Variants in LRRC4C observed in about 807,000 individuals in gnomAD.
LRRC4C encodes leucine rich repeat containing 4C.
In LRRC4C, 5 loss-of-function variants were observed where a neutral mutation model predicts 33.6. That is an observed-to-expected ratio of 0.15 (90% CI 0.08 to 0.31). The LOEUF is 0.31. Among genes scored for constraint, LRRC4C ranks in the 10% least tolerant of loss-of-function variants. The probability of loss-of-function intolerance (pLI) is 1.00; values close to 1 mark genes in which losing one functional copy is unlikely to be tolerated. For missense variants in LRRC4C, 560 were observed against 796.7 expected (o/e 0.70, Z 3.58); for synonymous variants, 329 against 302.0 (o/e 1.09, Z -0.93).
intron 1 of LRRC4C, among the ~76,000 whole-genome samples, chr11:41,245,543 G>A (rs893615542): frequency 6.6e-6 from 1 of 152,204 alleles, no homozygotes; most frequent in African/African-American, 2.4e-5. Flanking sequence ...GGTGGCACCT[G>A]AAAGCTTGGA....
At chr11:40,451,759 T>C (rs970056391) in intron 3 of LRRC4C, among the ~76,000 whole-genome samples, 15 of 152,058 alleles carry the variant, frequency 9.9e-5, no homozygotes, top group African/African-American at 3.6e-4. Flanking sequence ...ATGGACAAAT[T>C]TGTAGAAACA....
rs1446074626 is a variant in LRRC4C at position 41,305,379 on chromosome 11, G to A, written c.-496+154052C>T. The stretch of plus-strand genomic sequence containing the variant: ...TGGGAAGTGAGTAGCCCCTCTGCCC[G>A]GCCACCACCCCGTCTGGGAGGTGTG... On this transcript the variant is annotated intron_variant, in intron 1 of 6. Coordinates refer to ENST00000528697, the MANE Select transcript of LRRC4C (RefSeq NM_001258419.2). Among the ~76,000 whole-genome samples the A allele has an allele frequency of 1.2e-4, 6 of 52,066 alleles. 3 individuals are homozygous for A. Among genetic ancestry groups the A allele is most frequent in the Non-Finnish European group, 2.2e-4 (4 of 18,274 alleles). 34.2% of individuals were successfully genotyped at this position (52,066 alleles called of 152,430 possible). A position where few individuals can be genotyped will look rare whatever the true frequency, so the allele number is the denominator to read the frequency against.
At chr11:40,738,553 C>A (rs1222750277) in intron 2 of LRRC4C, among the ~76,000 whole-genome samples, 1 of 151,998 alleles carries the variant, frequency 6.6e-6, no homozygotes, top group Non-Finnish European at 1.5e-5. Context: ...CAACTATATG[C>A]AAATAATATA....
rs577377915 is a variant in LRRC4C at position 40,738,494 on chromosome 11, C to T, written c.-406-90216G>A. Among the ~76,000 whole-genome samples the T allele has an allele frequency of 2.6e-5, 4 of 152,102 alleles. No homozygotes were observed. The South Asian group carries it at 8.3e-4, about 32-fold the overall frequency. On this transcript the variant is annotated intron_variant, in intron 2 of 6. Coordinates refer to ENST00000528697, the MANE Select transcript of LRRC4C (RefSeq NM_001258419.2). ...AGAGTATAGATCATTCACTTTATAG[C>T]CAAAGTTTAAATTGAAAAGGTTAAG...
At chr11:40,438,402 C>G (rs1313576181) in intron 3 of LRRC4C, among the ~76,000 whole-genome samples, 1 of 152,206 alleles carries the variant, frequency 6.6e-6, no homozygotes, top group Non-Finnish European at 1.5e-5. Context: ...ATTTTATCAC[C>G]TTGATTGGTC....
intron 3 of LRRC4C, among the ~76,000 whole-genome samples, chr11:40,549,359 G>A (rs570887530): frequency 2.5e-4 from 38 of 152,228 alleles, no homozygotes; most frequent in Non-Finnish European, 4.1e-4. Flanking sequence ...CGCAGACAGA[G>A]CGAACACTTA....
chr11:40,952,481 C>T (rs890930711), intron 1 of LRRC4C, among the ~76,000 whole-genome samples: 3 of 151,830 alleles, frequency 2.0e-5, no homozygotes, highest in Non-Finnish European at 2.9e-5. Context: ...AGCTTTCAAC[C>T]TTTTAATCTT....
chr11:40,561,736 T>C (rs553835680), intron 3 of LRRC4C, among the ~76,000 whole-genome samples: 1 of 152,116 alleles, frequency 6.6e-6, no homozygotes, highest in Non-Finnish European at 1.5e-5. Flanking sequence ...TAAAGTAGAC[T>C]CCTAAAGAAG....
intron 5 of LRRC4C, among the ~76,000 whole-genome samples, chr11:40,181,305 TAAAG>T (rs1167588373): frequency 1.3e-5 from 2 of 152,156 alleles, no homozygotes; most frequent in Admixed American, 6.5e-5. Context: ...TGGGAACAAA[TAAAG>T]AAAGGGAAGA....
At chr11:40,966,234 AC>A in intron 1 of LRRC4C, among the ~76,000 whole-genome samples, 1 of 151,988 alleles carries the variant, frequency 6.6e-6, no homozygotes, top group Non-Finnish European at 1.5e-5. Flanking sequence ...GAATAGGTAC[AC>A]TTTACCTATT....
chr11:41,332,559 A>G (rs1293032103), intron 1 of LRRC4C, among the ~76,000 whole-genome samples: 1 of 152,214 alleles, frequency 6.6e-6, no homozygotes, highest in Non-Finnish European at 1.5e-5. Context: ...TGTTCAGACT[A>G]AAATACACTA....
chr11:40,434,372 C>T (rs1322966773), intron 3 of LRRC4C, among the ~76,000 whole-genome samples: 1 of 152,188 alleles, frequency 6.6e-6, no homozygotes, highest in Admixed American at 6.5e-5. Context: ...TATTCTTCTG[C>T]TATCTGGTAG....
chr11:40,211,466 A>G (rs1362926967), intron 5 of LRRC4C, among the ~76,000 whole-genome samples: 1 of 152,240 alleles, frequency 6.6e-6, no homozygotes, highest in African/African-American at 2.4e-5. Context: ...AAGACTGAGA[A>G]AATGCTTCAA....
chr11:40,527,363 A>G (rs1037939554), intron 3 of LRRC4C, among the ~76,000 whole-genome samples: 3 of 152,204 alleles, frequency 2.0e-5, no homozygotes, highest in African/African-American at 7.2e-5. Context: ...AAAAATGATG[A>G]TTTATTTCCT....
At chr11:41,146,924 GTT>G (rs767025625) in intron 1 of LRRC4C, among the ~76,000 whole-genome samples, 15 of 152,118 alleles carry the variant, frequency 9.9e-5, no homozygotes, top group Non-Finnish European at 1.8e-4. Context: ...AAAATTCTGG[GTT>G]CAGGGTTGAA....
At chr11:40,966,884 A>T (rs1851401243) in intron 1 of LRRC4C, among the ~76,000 whole-genome samples, 1 of 152,026 alleles carries the variant, frequency 6.6e-6, no homozygotes, top group Non-Finnish European at 1.5e-5. Flanking sequence ...AATGTGAGTC[A>T]TACCTTGTCA....
intron 3 of LRRC4C, among the ~76,000 whole-genome samples, chr11:40,534,982 T>C (rs1956413238): frequency 6.6e-6 from 1 of 152,154 alleles, no homozygotes. Context: ...TCTAAACATA[T>C]GGTCCATGGA....
Position 40,811,915 on chromosome 11 carries a change from G to T in LRRC4C, c.-407+121720C>A, listed in dbSNP as rs563515578. 5.3e-5 allele frequency among the ~76,000 whole-genome samples: 8 copies of T among 152,280 alleles called. 1 individual carries two copies. Among genetic ancestry groups the T allele is most frequent in the African/African-American group, 1.9e-4 (8 of 41,558 alleles). The stretch of plus-strand genomic sequence containing the variant: ...AGATAGGGAGGATAATAGCAACTCT[G>T]CCAGGATGCCAAGAAGATCAGATAT... On this transcript the variant is annotated intron_variant, in intron 2 of 6. Coordinates refer to ENST00000528697, the MANE Select transcript of LRRC4C (RefSeq NM_001258419.2).
At chr11:40,392,855 A>G (rs1949390180) in intron 3 of LRRC4C, among the ~76,000 whole-genome samples, 1 of 152,140 alleles carries the variant, frequency 6.6e-6, no homozygotes, top group Non-Finnish European at 1.5e-5. Context: ...CCCCAGAACA[A>G]TAAATATTTG....
Sources: gnomAD v4.1 joint callset for allele counts (sites outside exome capture counted in the v4.1 genomes callset) on GRCh38, gnomAD v4.1.1 for gene constraint, MANE v1.5 for transcripts, NCBI Gene and HGNC (gene_info 2026-07-23, HGNC 2026-07-21) for gene names.